Variants in MID1 observed in about 807,000 individuals in gnomAD.
The protein encoded by MID1 is midline 1, also known as E3 ubiquitin-protein ligase Midline-1.
Under a neutral mutation model 40.4 loss-of-function variants are expected in MID1, and 7 were observed. That is an observed-to-expected ratio of 0.17 (90% confidence interval 0.10 to 0.33). The LOEUF (loss-of-function observed/expected upper bound fraction) is 0.33. MID1 is among the 10% of genes least tolerant of loss of function. MID1 has a pLI of 1.00. For synonymous variants in MID1, 229 were observed against 221.2 expected (o/e 1.04, Z -0.31); for missense variants, 367 against 558.5 (o/e 0.66, Z 3.46).
chrX:10,623,264 TAAAG>T (rs1156950942), upstream of MID1, among the ~76,000 whole-genome samples: 10 of 40,868 alleles, frequency 2.4e-4, no homozygotes, highest in African/African-American at 6.3e-4. Flanking sequence ...GAAAAAAAAA[TAAAG>T]AAAGGAAAGA....
At chrX:10,472,625 G>A (rs1929772881) in intron 6 of MID1, among the ~76,000 whole-genome samples, 1 of 112,209 alleles carries the variant, frequency 8.9e-6, no homozygotes, top group South Asian at 3.7e-4. Flanking sequence ...AGACATAAGT[G>A]GAAGTTTGCT....
At chrX:10,549,962 T>C (rs984306634) in intron 2 of MID1, among the ~76,000 whole-genome samples, 1 of 112,781 alleles carries the variant, frequency 8.9e-6, no homozygotes, top group Non-Finnish European at 1.9e-5. Context: ...ATCTGATTTA[T>C]GCTATTCCAA....
chrX:10,729,812 C>T (rs2043427968), intron 1 of MID1, among the ~76,000 whole-genome samples: 1 of 111,703 alleles, frequency 9.0e-6, no homozygotes, highest in Non-Finnish European at 1.9e-5. Context: ...TGGCCGGGGG[C>T]GGTGGCTCAC....
chrX:10,494,527 G>GGAGGCA (rs1218150627), intron 4 of MID1, among the ~76,000 whole-genome samples: 2 of 110,919 alleles, frequency 1.8e-5, no homozygotes, highest in South Asian at 7.5e-4. Flanking sequence ...CAGCATTTTA[G>GGAGGCA]GAGGCAGAGG....
At chrX:10,454,613 A>G (rs953657164) in intron 9 of MID1, among the ~76,000 whole-genome samples, 2 of 112,092 alleles carry the variant, frequency 1.8e-5, no homozygotes, top group South Asian at 3.7e-4. Flanking sequence ...TTAACATGGT[A>G]TAGCTCATCC....
At chrX:10,664,305 T>G (rs5978413) in intron 1 of MID1, among the ~76,000 whole-genome samples, 15,440 of 110,713 alleles carry the variant, frequency 0.14, 1,733 homozygotes, top group African/African-American at 0.37. Flanking sequence ...AGGATTACAG[T>G]CATGTACCAC....
chrX:10,468,104 A>G (rs1162076935), intron 7 of MID1, among the ~76,000 whole-genome samples: 2 of 112,071 alleles, frequency 1.8e-5, no homozygotes, highest in South Asian at 7.5e-4. Context: ...AGCTTGCCAG[A>G]GCTGTTCTTG....
At chrX:10,475,206 C>T (rs1429686895) in intron 5 of MID1, 2 of 331,413 alleles carry the variant, frequency 6.0e-6, no homozygotes, top group East Asian at 1.9e-4. Flanking sequence ...GCATAAAAGG[C>T]AAAGTGAATA....
intron 1 of MID1, among the ~76,000 whole-genome samples, chrX:10,603,619 G>A (rs1455294695): frequency 8.9e-6 from 1 of 111,889 alleles, no homozygotes; most frequent in African/African-American, 3.2e-5. Context: ...GCCCCCAGAA[G>A]GCCATGTTAG....
At chrX:10,707,155 C>T (rs143188075) in intron 1 of MID1, among the ~76,000 whole-genome samples, 1 of 111,991 alleles carries the variant, frequency 8.9e-6, no homozygotes, top group African/African-American at 3.2e-5. Context: ...CTTGTTCATG[C>T]AATAGTCCCA....
rs1290151149 is a variant in MID1, at chrX:10,482,465, G to A, written c.1013+15C>T. On this transcript the variant is annotated intron_variant, in intron 5 of 9. Coordinates refer to ENST00000317552, the MANE Select transcript of MID1 (RefSeq NM_000381.4). Reference sequence around the variant, plus strand: ...GCCCAGCAGCCGAGAAATTCCCAGGGGCCCCTGCACTCACCTCTCGGTGAT... The same window carrying A: ...GCCCAGCAGCCGAGAAATTCCCAGGAGCCCCTGCACTCACCTCTCGGTGAT... 1 of 1,209,122 alleles carries A rather than the reference G, an allele frequency of 8.3e-7. No individual in the cohort carries two copies. The highest frequency in any genetic ancestry group is 2.2e-5 in the Admixed American group (1 of 46,064).
chrX:10,580,113 TACAC>T lies in MID1; in HGVS notation c.-56-12514_-56-12511del, dbSNP rs34361228. 6.6e-3 allele frequency among the ~76,000 whole-genome samples: 661 copies of T among 100,216 alleles called. 1 individual carries two copies. The highest frequency in any genetic ancestry group is 0.023 in the African/African-American group (619 of 27,477). The allele number at this position is 100,216 out of a possible 115,157, so 87.0% of individuals were successfully genotyped here. Reference sequence around the variant, plus strand: ...AAAATTAGGTTATCATTAAAACACATACACACACACACACACACACACACTGTAA... The same window carrying T: ...AAAATTAGGTTATCATTAAAACACATACACACACACACACACACACTGTAA... On this transcript the variant is annotated intron_variant, in intron 1 of 9. Transcript: ENST00000317552.
At position 10,459,709 on chromosome X, in the gene MID1, T is replaced by C; in HGVS notation, c.1384A>G (p.Met462Val). 8.3e-7 allele frequency: 1 copy of C among 1,211,507 alleles called. No individual in the cohort carries two copies. The highest frequency in any genetic ancestry group is 1.1e-6 in the Non-Finnish European group (1 of 895,238). ...CCCGCCTGGTTGATGGCCTTGACCATGAAGATGTACTTGGTGCCGCTCTGC... is the reference window on the plus strand; with the variant it reads ...CCCGCCTGGTTGATGGCCTTGACCACGAAGATGTACTTGGTGCCGCTCTGC... ...GLQSGTKYIFMVKAINQAGSR... is the reference protein window; with the variant it reads ...GLQSGTKYIFVVKAINQAGSR... Residue 462 changes from methionine (M) to valine (V), a missense_variant, in exon 8 of 10, where the codon ATG becomes GTG. Around this residue, in one of 3 missense-constraint regions of MID1, gnomAD observed 275 missense variants for 383.1 expected, o/e 0.72. Coordinates refer to ENST00000317552, the MANE Select transcript of MID1 (RefSeq NM_000381.4).
rs1482524140 is a variant in MID1 at position 10,448,457 on chromosome X, G to A, written c.*911C>T. On this transcript the variant is annotated 3_prime_UTR_variant, in exon 10 of 10. Coordinates refer to ENST00000317552, the MANE Select transcript of MID1 (RefSeq NM_000381.4). ...ATTGATATGGGGGAGCGGGAAATAG[G>A]AGAACTATTAAATGTAGTGAAGAAA... is the stretch of plus-strand genomic sequence containing the variant. 3 of 111,227 alleles carry A rather than the reference G, an allele frequency of 2.7e-5. No individual in the cohort carries two copies. The highest frequency in any genetic ancestry group is 5.7e-5 in the Non-Finnish European group (3 of 53,076). 9.2% of individuals were successfully genotyped at this position (111,227 alleles called of 1,213,427 possible). A position where few individuals can be genotyped will look rare whatever the true frequency, so the allele number is the denominator to read the frequency against.
intron 1 of MID1, among the ~76,000 whole-genome samples, chrX:10,668,930 T>G (rs1344355837): frequency 8.9e-6 from 1 of 112,170 alleles, no homozygotes; most frequent in Admixed American, 9.4e-5. Flanking sequence ...CTTAGAAATC[T>G]AGGACACGGC....
At chrX:10,671,362 T>A (rs1463527518) in intron 1 of MID1, among the ~76,000 whole-genome samples, 1 of 112,342 alleles carries the variant, frequency 8.9e-6, no homozygotes, top group Non-Finnish European at 1.9e-5. Flanking sequence ...GTCTCCTTGC[T>A]TCAGTTTCTT....
chrX:10,558,266 C>T (rs185021392), intron 2 of MID1, among the ~76,000 whole-genome samples: 63 of 111,352 alleles, frequency 5.7e-4, no homozygotes, highest in African/African-American at 1.9e-3. Context: ...CTATTCCTAC[C>T]GACAGGTCTC....
intron 1 of MID1, among the ~76,000 whole-genome samples, chrX:10,738,120 G>T (rs2043498904): frequency 8.9e-6 from 1 of 111,781 alleles, no homozygotes; most frequent in South Asian, 3.8e-4. Flanking sequence ...CAGACAGTTA[G>T]CGGTCATCCC....
chrX:10,566,927 A>C lies in MID1; in HGVS notation c.621T>G (p.His207Gln), dbSNP rs1383446204. ...LCKLVGRHRDHQVAALSERYD... is the reference protein window; with the variant it reads ...LCKLVGRHRDQQVAALSERYD... ...AGCGCTCACTCAAAGCTGCCACCTG[A>C]TGATCGCGGTGCCGCCCAACCAGTT... Residue 207 changes from histidine (H) to glutamine (Q), a missense_variant, in exon 2 of 10, where the codon CAT (histidine) becomes CAG (glutamine). His to Gln is a conservative substitution (Grantham distance 24). This residue lies in a region of MID1 where 275 missense variants were observed against 383.1 expected (regional missense o/e 0.72). Transcript: ENST00000317552. 1 of 1,211,771 alleles carries C rather than the reference A, an allele frequency of 8.3e-7. No individual in the cohort carries two copies. The highest frequency in any genetic ancestry group is 1.1e-6 in the Non-Finnish European group (1 of 895,554).
Sources: allele counts gnomAD v4.1 joint callset (sites outside exome capture counted in the v4.1 genomes callset), GRCh38; gene constraint gnomAD v4.1.1; regional missense constraint gnomAD v4.1.1; transcripts MANE v1.5; gene names NCBI Gene and HGNC (gene_info 2026-07-23, HGNC 2026-07-21).